CDC73: variants seen among roughly 807,000 people sequenced by gnomAD.
The protein encoded by CDC73 is parafibromin.
CDC73 carries 21 observed loss-of-function variants against 83.7 expected under a neutral mutation model. The ratio of observed to expected loss-of-function variants is 0.25; its 90% CI spans 0.18 to 0.36. The LOEUF (loss-of-function observed/expected upper bound fraction) is 0.36. Among genes scored for constraint, CDC73 ranks in the 10% least tolerant of loss-of-function variants. CDC73 has a pLI of 1.00. For missense variants in CDC73, 342 were observed against 653.3 expected, an observed-to-expected ratio of 0.52 and a Z score of 5.19; for synonymous variants, 224 against 212.9, an observed-to-expected ratio of 1.05 and a Z score of -0.45.
At chr1:193,219,441 C>CT (rs1426619800) in intron 13 of CDC73, among the ~76,000 whole-genome samples, 1 of 152,138 alleles carries the variant, frequency 6.6e-6, no homozygotes, top group Non-Finnish European at 1.5e-5. Context: ...CACATGCACT[C>CT]TTTAAGTTCA....
intron 7 of CDC73, among the ~76,000 whole-genome samples, chr1:193,145,471 G>T: frequency 6.6e-6 from 1 of 152,112 alleles, no homozygotes; most frequent in Non-Finnish European, 1.5e-5. Context: ...TATTAAGCCA[G>T]AGATTAAGGA....
chr1:193,234,289 A>ATATATATATATAAT (rs1677719485), intron 14 of CDC73, among the ~76,000 whole-genome samples: 1 of 116,128 alleles, frequency 8.6e-6, no homozygotes, highest in African/African-American at 3.5e-5. Context: ...TAATATACAT[A>ATATATATATATAAT]TTATATATAT....
intron 6 of CDC73, among the ~76,000 whole-genome samples, chr1:193,139,911 TTCTG>T (rs778984234): frequency 2.0e-5 from 3 of 152,246 alleles, no homozygotes; most frequent in Non-Finnish European, 4.4e-5. Context: ...CTAGGCATTA[TTCTG>T]TCTAATTCAC....
intron 10 of CDC73, among the ~76,000 whole-genome samples, chr1:193,165,923 T>G (rs754936381): frequency 4.6e-5 from 7 of 152,238 alleles, no homozygotes. Context: ...AAGCCAGCCA[T>G]CCTTTCACTA....
Position 193,128,988 on chromosome 1 carries a change from G to A in CDC73, c.238-1186G>A, listed in dbSNP as rs931088354. ...ATTATAGGCTTCTGCCATCACGCCC[G>A]GCTAATTTTTTTTTTTTTTTTTTTT... On this transcript the variant is annotated intron_variant, in intron 2 of 16. Coordinates refer to ENST00000367435, the MANE Select transcript of CDC73 (RefSeq NM_024529.5). Among the ~76,000 whole-genome samples the A allele has an allele frequency of 2.7e-5, 4 of 150,344 alleles. 1 individual carries two copies. The highest frequency in any genetic ancestry group is 4.2e-4 in the South Asian group (2 of 4,778).
At chr1:193,180,686 C>T in intron 10 of CDC73, 1 of 1,614,046 alleles carries the variant, frequency 6.2e-7, no homozygotes, top group Non-Finnish European at 8.5e-7. Flanking sequence ...CACTTGCTAT[C>T]TTTGTTTCGA....
intron 15 of CDC73, among the ~76,000 whole-genome samples, chr1:193,246,963 TTTG>T (rs1677965145): frequency 6.6e-6 from 1 of 152,170 alleles, no homozygotes; most frequent in Admixed American, 6.5e-5. Context: ...CTAGGTCACT[TTTG>T]TTCTGTGCTC....
chr1:193,134,153 A>G (rs1179569344), intron 3 of CDC73, among the ~76,000 whole-genome samples: 1 of 152,138 alleles, frequency 6.6e-6, no homozygotes, highest in East Asian at 1.9e-4. Context: ...ATAACTAAAA[A>G]TTACATGTGT....
intron 8 of CDC73, among the ~76,000 whole-genome samples, chr1:193,149,857 G>A (rs574714189): frequency 6.6e-6 from 1 of 152,058 alleles, no homozygotes; most frequent in African/African-American, 2.4e-5. Context: ...AAAAAAATAC[G>A]TCTTCAGTCT....
chr1:193,172,759 A>C (rs971511122), intron 10 of CDC73, among the ~76,000 whole-genome samples: 2 of 152,124 alleles, frequency 1.3e-5, no homozygotes, highest in African/African-American at 2.4e-5. Context: ...TGTCAGGTCC[A>C]CCTAAATAGA....
chr1:193,218,218 G>C (rs1677403679), intron 13 of CDC73, among the ~76,000 whole-genome samples: 1 of 152,120 alleles, frequency 6.6e-6, no homozygotes, highest in Non-Finnish European at 1.5e-5. Context: ...GGAGGTGAAA[G>C]ATCTCTACAA....
intron 15 of CDC73, among the ~76,000 whole-genome samples, chr1:193,245,404 C>G (rs1318030225): frequency 6.6e-6 from 1 of 152,124 alleles, no homozygotes; most frequent in Non-Finnish European, 1.5e-5. Context: ...GCTTGTTTCA[C>G]TTAACATAAT....
At chr1:193,192,594 G>A (rs370681780) in intron 10 of CDC73, among the ~76,000 whole-genome samples, 3 of 152,200 alleles carry the variant, frequency 2.0e-5, no homozygotes, top group South Asian at 4.1e-4. Context: ...ATTAGAAATA[G>A]GGACTTCAGT....
intron 10 of CDC73, chr1:193,179,986 T>A (rs1257341329): frequency 5.2e-6 from 1 of 191,968 alleles, no homozygotes; most frequent in African/African-American, 2.3e-5. Context: ...GTGGAAAACA[T>A]ATGCAGATAC....
intron 10 of CDC73, among the ~76,000 whole-genome samples, chr1:193,196,474 C>CA (rs1371614914): frequency 6.6e-6 from 1 of 152,124 alleles, no homozygotes; most frequent in Non-Finnish European, 1.5e-5. Flanking sequence ...CGTGAGATTC[C>CA]ATGTGACTTT....
At chr1:193,243,073 G>GC (rs1428022890) in intron 15 of CDC73, among the ~76,000 whole-genome samples, 30 of 151,810 alleles carry the variant, frequency 2.0e-4, no homozygotes, top group Admixed American at 1.8e-3. Context: ...AGCCTCCTGA[G>GC]TAGCTGGGAT....
chr1:193,143,787 T>C (rs1558285760), intron 7 of CDC73, among the ~76,000 whole-genome samples: 1 of 152,082 alleles, frequency 6.6e-6, no homozygotes, highest in African/African-American at 2.4e-5. Flanking sequence ...TTCTTATTTT[T>C]TGAGTTTCAG....
At chr1:193,188,254 C>T (rs1017372521) in intron 10 of CDC73, among the ~76,000 whole-genome samples, 15 of 152,136 alleles carry the variant, frequency 9.9e-5, no homozygotes, top group African/African-American at 3.6e-4. Context: ...AGAACCAGTG[C>T]CTGGAGTTGT....
intron 10 of CDC73, among the ~76,000 whole-genome samples, chr1:193,200,393 G>T (rs1176144826): frequency 6.6e-6 from 1 of 152,170 alleles, no homozygotes; most frequent in Non-Finnish European, 1.5e-5. Flanking sequence ...AATATCAGAA[G>T]ATTTTAGATG....
Sources: allele counts gnomAD v4.1 joint callset (sites outside exome capture counted in the v4.1 genomes callset), GRCh38; gene constraint gnomAD v4.1.1; transcripts MANE v1.5; gene names NCBI Gene and HGNC (gene_info 2026-07-23, HGNC 2026-07-21).